The following NR3C2 variants were observed in gnomAD, a reference collection of about 807,000 sequenced individuals.
NR3C2 encodes the protein mineralocorticoid receptor.
In NR3C2, 15 loss-of-function variants were observed where a neutral mutation model predicts 86.4. The ratio of observed to expected loss-of-function variants is 0.17; its 90% CI spans 0.12 to 0.27. The LOEUF (loss-of-function observed/expected upper bound fraction) is 0.27. NR3C2 is among the 10% of genes least tolerant of loss of function. The pLI is 1.00. For synonymous variants in NR3C2, 458 were observed against 450.5 expected (o/e 1.02, Z -0.21); for missense variants, 960 against 1,195.6 (o/e 0.80, Z 2.91).
intron 2 of NR3C2, among the ~76,000 whole-genome samples, chr4:148,275,457 T>C (rs1437585358): frequency 6.6e-6 from 1 of 151,388 alleles, no homozygotes; most frequent in Non-Finnish European, 1.5e-5. Flanking sequence ...TGAGACAGAG[T>C]TTCACTCTTG....
At chr4:148,275,007 T>C (rs1347767900) in intron 2 of NR3C2, among the ~76,000 whole-genome samples, 2 of 152,134 alleles carry the variant, frequency 1.3e-5, no homozygotes, top group African/African-American at 4.8e-5. Flanking sequence ...CTCAGGTAGT[T>C]CTTTATAACA....
intron 2 of NR3C2, among the ~76,000 whole-genome samples, chr4:148,312,098 T>C (rs552608621): frequency 2.6e-5 from 4 of 152,210 alleles, no homozygotes; most frequent in Non-Finnish European, 5.9e-5. Flanking sequence ...TATTGTGTAG[T>C]GGTGTACTGG....
intron 3 of NR3C2, among the ~76,000 whole-genome samples, chr4:148,248,558 G>A (rs1233677409): frequency 1.3e-5 from 2 of 148,538 alleles, no homozygotes; most frequent in East Asian, 1.9e-4. Context: ...AACTATCTTT[G>A]CTCTTTGTCT....
At chr4:148,260,783 G>T (rs1344388155) in intron 2 of NR3C2, among the ~76,000 whole-genome samples, 1 of 152,150 alleles carries the variant, frequency 6.6e-6, no homozygotes, top group Non-Finnish European at 1.5e-5. Context: ...GTAAGAAACT[G>T]AAGGGCTCTC....
At chr4:148,175,018 T>C (rs1453507324) in intron 4 of NR3C2, among the ~76,000 whole-genome samples, 1 of 152,166 alleles carries the variant, frequency 6.6e-6, no homozygotes, top group Non-Finnish European at 1.5e-5. Context: ...CAGTAGTCCC[T>C]TTGTAAGGCT....
chr4:148,268,273 C>G (rs1740501121), intron 2 of NR3C2, among the ~76,000 whole-genome samples: 1 of 152,098 alleles, frequency 6.6e-6, no homozygotes, highest in Non-Finnish European at 1.5e-5. Context: ...GTAGCTCCTT[C>G]TAATATTCTC....
At chr4:148,211,487 G>A (rs2149816839) in intron 3 of NR3C2, among the ~76,000 whole-genome samples, 1 of 152,190 alleles carries the variant, frequency 6.6e-6, no homozygotes, top group South Asian at 2.1e-4. Flanking sequence ...GGCTACTTAT[G>A]TATTTATTTT....
At chr4:148,262,670 G>C (rs1740181811) in intron 2 of NR3C2, among the ~76,000 whole-genome samples, 1 of 152,102 alleles carries the variant, frequency 6.6e-6, no homozygotes, top group South Asian at 2.1e-4. Context: ...AATTAGTTAA[G>C]ATGAGGTCAT....
chr4:148,359,604 A>G (rs1485123794), intron 2 of NR3C2, among the ~76,000 whole-genome samples: 2 of 152,224 alleles, frequency 1.3e-5, no homozygotes, highest in Admixed American at 1.3e-4. Context: ...ATCAGAGTTT[A>G]AAGAGTTTTG....
At chr4:148,295,403 G>T (rs990941661) in intron 2 of NR3C2, among the ~76,000 whole-genome samples, 15 of 151,528 alleles carry the variant, frequency 9.9e-5, no homozygotes, top group African/African-American at 3.6e-4. Context: ...GGCTCCCTCT[G>T]CAATATCCAA....
chr4:148,144,267 C>T (rs986269646), intron 6 of NR3C2, among the ~76,000 whole-genome samples: 3 of 152,074 alleles, frequency 2.0e-5, no homozygotes, highest in Non-Finnish European at 4.4e-5. Context: ...TGCAGTGGTG[C>T]AATCATGGCT....
intron 8 of NR3C2, among the ~76,000 whole-genome samples, chr4:148,096,553 T>C (rs1230117583): frequency 6.6e-6 from 1 of 152,128 alleles, no homozygotes; most frequent in Non-Finnish European, 1.5e-5. Context: ...CTCAAGGCAA[T>C]AGATAAGGAC....
chr4:148,426,554 T>C (rs771540111), intron 2 of NR3C2, among the ~76,000 whole-genome samples: 1 of 152,206 alleles, frequency 6.6e-6, no homozygotes, highest in Non-Finnish European at 1.5e-5. Context: ...TACCTGATTC[T>C]TCCCTTTGGC....
chr4:148,356,660 G>A (rs1276558660), intron 2 of NR3C2, among the ~76,000 whole-genome samples: 2 of 152,146 alleles, frequency 1.3e-5, no homozygotes, highest in Non-Finnish European at 2.9e-5. Flanking sequence ...GTAGCCTAAT[G>A]TATATGGTAC....
At chr4:148,219,523 T>C (rs1737720763) in intron 3 of NR3C2, among the ~76,000 whole-genome samples, 1 of 152,240 alleles carries the variant, frequency 6.6e-6, no homozygotes, top group African/African-American at 2.4e-5. Context: ...ACTTAGACAT[T>C]AATTGCCCTT....
intron 3 of NR3C2, among the ~76,000 whole-genome samples, chr4:148,245,056 G>C (rs750729286): frequency 6.6e-6 from 1 of 152,080 alleles, no homozygotes; most frequent in Non-Finnish European, 1.5e-5. Flanking sequence ...TATGTTTAGT[G>C]CTTGGAGGAG....
chr4:148,133,164 G>T (rs1037091711), intron 6 of NR3C2, among the ~76,000 whole-genome samples: 2 of 149,270 alleles, frequency 1.3e-5, no homozygotes, highest in Admixed American at 1.3e-4. Context: ...CTGCACTTCA[G>T]CCTGGACGAC....
chr4:148,100,640 T>A (rs970803832), intron 8 of NR3C2, among the ~76,000 whole-genome samples: 1 of 152,218 alleles, frequency 6.6e-6, no homozygotes, highest in African/African-American at 2.4e-5. Flanking sequence ...AAATGGTGTA[T>A]CTGCTGTGGA....
At chr4:148,444,129 G>C (rs953488254), upstream of NR3C2, 22 of 985,298 alleles carry the variant, frequency 2.2e-5, no homozygotes, top group Non-Finnish European at 2.7e-5. Context: ...GGCGGCGGGC[G>C]GGAGCAAGGG....
Sources: allele counts gnomAD v4.1 joint callset (sites outside exome capture counted in the v4.1 genomes callset), GRCh38; gene constraint gnomAD v4.1.1; transcripts MANE v1.5; gene names NCBI Gene and HGNC (gene_info 2026-07-23, HGNC 2026-07-21).